CDHR3: variants seen among roughly 807,000 people sequenced by gnomAD.
CDHR3 encodes the protein cadherin-related family member 3.
CDHR3 carries 79 observed loss-of-function variants against 86.6 expected under a neutral mutation model. The observed-to-expected ratio is 0.91, with a 90% CI of 0.76 to 1.10. The LOEUF is 1.10. Among genes scored for constraint, CDHR3 ranks in the 50% least tolerant of loss-of-function variants. The probability of loss-of-function intolerance (pLI) is 0.00; values close to 1 mark genes in which losing one functional copy is unlikely to be tolerated. For synonymous variants in CDHR3, 421 were observed against 402.4 expected, an observed-to-expected ratio of 1.05 and a Z score of -0.55; for missense variants, 1,081 against 1,077.6, an observed-to-expected ratio of 1.00 and a Z score of -0.04.
rs1837045330 is a variant in CDHR3 at position 106,024,413 on chromosome 7, C to T, written c.2109C>T (p.Asn703=). 3.1e-6 allele frequency: 5 copies of T among 1,613,898 alleles called. No individual in the cohort carries two copies. Among genetic ancestry groups the T allele is most frequent in the Non-Finnish European group, 3.4e-6 (4 of 1,179,902 alleles). ...PRVTYQVLRK[N]VYSPSAWYVP... is the part of the protein sequence containing the mutation. ...TCACCTATCAGGTCCTGAGGAAAAA[C>T]GTTTACTCTCCATCTGCATGGTACG... Residue 703 remains asparagine (N), a synonymous_variant, in exon 15 of 19, where the codon AAC becomes AAT. Transcript: ENST00000317716.
At chr7:106,013,085 G>T in intron 9 of CDHR3, 54 bp downstream of exon 9, 3 of 1,480,402 alleles carry the variant, frequency 2.0e-6, no homozygotes, top group South Asian at 1.4e-5. Flanking sequence ...GGTCCAACAT[G>T]CATCATGCTT....
intron 16 of CDHR3, chr7:106,027,531 T>G (rs1837544930): frequency 3.3e-6 from 1 of 304,522 alleles, no homozygotes; most frequent in Admixed American, 3.8e-5. Flanking sequence ...CTGACTGACT[T>G]CAGAGAAGTG....
At position 106,033,925 on chromosome 7, in the gene CDHR3, T is replaced by C; in HGVS notation, c.*1228T>C. Among the ~76,000 whole-genome samples the C allele has an allele frequency of 6.6e-6, 1 of 152,084 alleles. No individual in the cohort carries two copies. The highest frequency in any genetic ancestry group is 6.5e-5 in the Admixed American group (1 of 15,268). ...ACATTCCAGCAGCAAACACTGAGAG[T>C]TGCAATTGCTCTCTATCCTTGCCAA... On this transcript the variant is annotated 3_prime_UTR_variant, in exon 19 of 19. Coordinates refer to ENST00000317716, the MANE Select transcript of CDHR3 (RefSeq NM_152750.5).
At chr7:105,993,568 C>T (rs916370921) in intron 4 of CDHR3, among the ~76,000 whole-genome samples, 2 of 150,334 alleles carry the variant, frequency 1.3e-5, no homozygotes, top group Non-Finnish European at 3.0e-5. Flanking sequence ...CCCAGCCACT[C>T]GTGAGGATGA....
intron 2 of CDHR3, among the ~76,000 whole-genome samples, chr7:105,977,852 C>G (rs573408132): frequency 7.9e-5 from 12 of 152,330 alleles, no homozygotes; most frequent in African/African-American, 2.4e-4. Flanking sequence ...CTTTGGGACA[C>G]AGCTATTGAG....
chr7:106,013,166 G>A (rs550794643), intron 9 of CDHR3, 135 bp downstream of exon 9: 57 of 693,124 alleles, frequency 8.2e-5, no homozygotes, highest in African/African-American at 1.5e-4. Context: ...AGGCTTAATA[G>A]TGAGTCTGTG....
In CDHR3 at chr7:106,018,073, G is replaced by C. The variant is rs1408290542; in HGVS notation, c.1653+1G>C. ...CAACGAAGACACAAGCTCTGTCACTGTGAGTGGTGCTGCTTGGTATAGTGC... is the reference window on the plus strand; with the variant it reads ...CAACGAAGACACAAGCTCTGTCACTCTGAGTGGTGCTGCTTGGTATAGTGC... On this transcript the variant is annotated splice_donor_variant, in intron 12 of 18. Coordinates refer to ENST00000317716, the MANE Select transcript of CDHR3 (RefSeq NM_152750.5). LOFTEE classifies it high-confidence loss of function. The C allele has an allele frequency of 6.2e-7, 1 of 1,612,520 alleles. No individual in the cohort carries two copies.
At chr7:106,005,189 C>A (rs982671208) in intron 8 of CDHR3, among the ~76,000 whole-genome samples, 3 of 152,166 alleles carry the variant, frequency 2.0e-5, no homozygotes, top group Non-Finnish European at 1.5e-5. Context: ...TCGAATTCAC[C>A]TTACACAACT....
intron 1 of CDHR3, among the ~76,000 whole-genome samples, chr7:105,969,125 G>A (rs865803101): frequency 6.7e-6 from 1 of 149,362 alleles, no homozygotes; most frequent in Non-Finnish European, 1.5e-5. Flanking sequence ...GGCCGGGCGT[G>A]GTGGCTCACG....
At chr7:106,020,105 A>G (rs971434812) in intron 12 of CDHR3, among the ~76,000 whole-genome samples, 2 of 152,210 alleles carry the variant, frequency 1.3e-5, no homozygotes, top group African/African-American at 2.4e-5. Context: ...CATATGGTGT[A>G]GAAGTTAATA....
In CDHR3 at chr7:106,028,455, G is replaced by A. The variant is rs779771976; in HGVS notation, c.2273-96G>A. ...TTGCTGTGTCTGCAAGACTGAGATC[G>A]AAGCCTATTTAGGGGAAATACCGTT... On this transcript the variant is annotated intron_variant, in intron 16 of 18. Transcript: ENST00000317716. 1.8e-4 allele frequency: 233 copies of A among 1,313,154 alleles called. 1 individual carries two copies. Among genetic ancestry groups the A allele is most frequent in the Non-Finnish European group, 2.4e-4 (221 of 917,730 alleles). 81.3% of individuals were successfully genotyped at this position (1,313,154 alleles called of 1,614,324 possible).
At chr7:106,015,303 C>T in intron 10 of CDHR3, 90 bp downstream of exon 10, 1 of 1,146,700 alleles carries the variant, frequency 8.7e-7, no homozygotes, top group Admixed American at 2.0e-5. Flanking sequence ...TGTGCTAGGT[C>T]CCCCTTCTCA....
At chr7:105,972,301 T>C (rs1226185776) in intron 1 of CDHR3, among the ~76,000 whole-genome samples, 1 of 152,144 alleles carries the variant, frequency 6.6e-6, no homozygotes, top group African/African-American at 2.4e-5. Context: ...TGGGTACTTA[T>C]TTTAGTCTAT....
At chr7:106,027,150 A>C (rs1440945837) in intron 16 of CDHR3, among the ~76,000 whole-genome samples, 1 of 152,170 alleles carries the variant, frequency 6.6e-6, no homozygotes, top group East Asian at 1.9e-4. Context: ...TAATCCCAGC[A>C]CTTTGAGAGG....
intron 8 of CDHR3, among the ~76,000 whole-genome samples, chr7:106,006,782 G>A (rs1051854628): frequency 6.6e-6 from 1 of 152,222 alleles, no homozygotes; most frequent in African/African-American, 2.4e-5. Context: ...CTAGCTGTCA[G>A]TGGATTTACC....
intron 4 of CDHR3, among the ~76,000 whole-genome samples, chr7:105,985,058 C>CAA (rs3999857): frequency 7.1e-6 from 1 of 141,312 alleles, no homozygotes; most frequent in Admixed American, 6.9e-5. Flanking sequence ...GACCCTGTCT[C>CAA]AAAAAAAAAA....
chr7:106,015,790 G>C, intron 10 of CDHR3, 137 bp from the exon 11 acceptor site: 1 of 704,128 alleles, frequency 1.4e-6, no homozygotes. Context: ...CATCTAAAAG[G>C]CAGGAGCTCC....
chr7:106,016,603 A>G (rs1835664369), intron 11 of CDHR3, among the ~76,000 whole-genome samples: 1 of 152,132 alleles, frequency 6.6e-6, no homozygotes, highest in African/African-American at 2.4e-5. Flanking sequence ...GTAATACTAT[A>G]AATGCTCTAG....
chr7:105,967,349 C>T (rs1347053858), intron 1 of CDHR3, among the ~76,000 whole-genome samples: 1 of 152,180 alleles, frequency 6.6e-6, no homozygotes, highest in African/African-American at 2.4e-5. Context: ...TTAATCCAGT[C>T]TATCATTGAT....
Sources: allele counts gnomAD v4.1 joint callset (sites outside exome capture counted in the v4.1 genomes callset), GRCh38; gene constraint gnomAD v4.1.1; transcripts MANE v1.5; gene names NCBI Gene and HGNC (gene_info 2026-07-23, HGNC 2026-07-21).